Variants in SGCD observed in about 807,000 individuals in gnomAD.
SGCD encodes the protein delta-sarcoglycan.
A neutral mutation model predicts 36.6 loss-of-function variants in SGCD; 18 were observed. That is an observed-to-expected ratio of 0.49 (90% CI 0.34 to 0.73). SGCD has a LOEUF of 0.73. Among genes scored for constraint, SGCD ranks in the 30% least tolerant of loss-of-function variants. SGCD has a pLI of 0.01. For missense variants in SGCD, 387 were observed against 346.7 expected, an observed-to-expected ratio of 1.12 and a Z score of -0.92; for synonymous variants, 133 against 130.6, an observed-to-expected ratio of 1.02 and a Z score of -0.12.
At chr5:156,589,500 T>C (rs1760636127) in intron 5 of SGCD, among the ~76,000 whole-genome samples, 182 bp downstream of exon 5, 1 of 152,184 alleles carries the variant, frequency 6.6e-6, no homozygotes, top group South Asian at 2.1e-4. Flanking sequence ...CGTACACATA[T>C]TAAACTTATG....
chr5:156,326,295 C>T (rs1343094942), upstream of SGCD, among the ~76,000 whole-genome samples: 1 of 152,150 alleles, frequency 6.6e-6, no homozygotes, highest in Admixed American at 6.5e-5. Flanking sequence ...GAGTGTCATC[C>T]AGAAATAATC....
At chr5:156,082,782 C>T (rs1230110064) in intron 1 of SGCD, among the ~76,000 whole-genome samples, 2 of 152,160 alleles carry the variant, frequency 1.3e-5, no homozygotes. Flanking sequence ...TCCAGGAGCA[C>T]AGTTGCTGGG....
At chr5:156,007,862 A>T (rs999866807) in intron 1 of SGCD, among the ~76,000 whole-genome samples, 1 of 152,232 alleles carries the variant, frequency 6.6e-6, no homozygotes, top group Non-Finnish European at 1.5e-5. Context: ...TTAATGTCAC[A>T]TTGAAACATT....
intron 2 of SGCD, among the ~76,000 whole-genome samples, chr5:156,334,671 TCTC>T (rs1412336710): frequency 1.4e-5 from 2 of 146,956 alleles, no homozygotes; most frequent in Non-Finnish European, 3.0e-5. Context: ...ATAGCATTCA[TCTC>T]CTTGTGACAT....
intron 1 of SGCD, among the ~76,000 whole-genome samples, chr5:155,936,973 C>T (rs1022056732): frequency 6.6e-6 from 1 of 152,288 alleles, no homozygotes; most frequent in East Asian, 1.9e-4. Context: ...CCAGGAGCCC[C>T]GCCCTCACTC....
intron 3 of SGCD, among the ~76,000 whole-genome samples, chr5:156,411,684 C>T (rs932475789): frequency 6.6e-6 from 1 of 152,144 alleles, no homozygotes; most frequent in African/African-American, 2.4e-5. Flanking sequence ...TAGCATGGTA[C>T]CTGGCACAGA....
chr5:155,852,174 A>G, the SGCD span, among the ~76,000 whole-genome samples: 1 of 152,228 alleles, frequency 6.6e-6, no homozygotes, highest in East Asian at 1.9e-4. Context: ...GTTAGAGAAC[A>G]ATGTCTCCTT....
rs1007188443 is a variant in SGCD, at chr5:156,688,374, G to A, written c.575+40838G>A. Among the ~76,000 whole-genome samples the A allele has an allele frequency of 2.0e-5, 3 of 152,132 alleles. No individual in the cohort carries two copies. In the East Asian group the frequency reaches 5.8e-4, roughly 29 times the overall value. On this transcript the variant is annotated intron_variant, in intron 7 of 8. Coordinates refer to ENST00000337851, the MANE Select transcript of SGCD (RefSeq NM_000337.6). ...CAGCAAGTACTGTTTATAATGATGG[G>A]CTTTCATAGATATTAGCTCATTTGA...
chr5:155,804,638 G>A, the SGCD span, among the ~76,000 whole-genome samples: 1 of 152,148 alleles, frequency 6.6e-6, no homozygotes, highest in South Asian at 2.1e-4. Context: ...TGACCCTGCT[G>A]TTTCTCCTGA....
chr5:155,917,951 C>A (rs535114204), intron 1 of SGCD, among the ~76,000 whole-genome samples: 2 of 152,116 alleles, frequency 1.3e-5, no homozygotes, highest in East Asian at 1.9e-4. Flanking sequence ...TTTCATTTAC[C>A]CTGTTAGGAA....
chr5:155,887,160 C>T (rs550771921), intron 1 of SGCD, among the ~76,000 whole-genome samples: 1 of 152,312 alleles, frequency 6.6e-6, no homozygotes, highest in Admixed American at 6.5e-5. Flanking sequence ...CTGCTTCACA[C>T]AGGGATTGCT....
At chr5:156,334,604 A>G (rs973652858) in intron 2 of SGCD, among the ~76,000 whole-genome samples, 2 of 54,400 alleles carry the variant, frequency 3.7e-5, no homozygotes, top group South Asian at 5.4e-4. Context: ...CTGCTGGTCT[A>G]TTTTCTTTTT....
At chr5:156,543,787 G>A (rs1581144377) in intron 4 of SGCD, among the ~76,000 whole-genome samples, 1 of 152,182 alleles carries the variant, frequency 6.6e-6, no homozygotes, top group Admixed American at 6.5e-5. Flanking sequence ...CACATTTATG[G>A]CTCTCCTTTT....
At chr5:155,997,497 G>GT (rs776959557) in intron 1 of SGCD, among the ~76,000 whole-genome samples, 15 of 152,210 alleles carry the variant, frequency 9.9e-5, no homozygotes, top group Non-Finnish European at 2.1e-4. Flanking sequence ...CTGAAAGTGA[G>GT]TTTGTCATCA....
At chr5:156,423,010 C>T (rs1462082865) in intron 3 of SGCD, among the ~76,000 whole-genome samples, 1 of 150,312 alleles carries the variant, frequency 6.7e-6, no homozygotes, top group African/African-American at 2.5e-5. Flanking sequence ...AGTCTTCACT[C>T]ACAAATGATT....
At chr5:156,620,221 A>G (rs897230313) in intron 6 of SGCD, among the ~76,000 whole-genome samples, 2 of 152,168 alleles carry the variant, frequency 1.3e-5, no homozygotes, top group Non-Finnish European at 2.9e-5. Flanking sequence ...AATTATGTCA[A>G]GTACTCAATG....
At chr5:156,618,720 T>C (rs1762115710) in intron 6 of SGCD, among the ~76,000 whole-genome samples, 1 of 151,988 alleles carries the variant, frequency 6.6e-6, no homozygotes, top group South Asian at 2.1e-4. Flanking sequence ...CCTCGCAAGC[T>C]TGAGGGGTGA....
At chr5:156,232,293 C>G (rs1323597043) in intron 3 of SGCD, among the ~76,000 whole-genome samples, 1 of 152,190 alleles carries the variant, frequency 6.6e-6, no homozygotes, top group African/African-American at 2.4e-5. Flanking sequence ...TTAAGAATCC[C>G]TACTTGATTA....
At chr5:156,036,991 C>T (rs1319385836) in intron 1 of SGCD, among the ~76,000 whole-genome samples, 4 of 152,242 alleles carry the variant, frequency 2.6e-5, no homozygotes, top group South Asian at 2.1e-4. Context: ...TACTGGAGAG[C>T]TGGAAATTGA....
Sources: allele counts gnomAD v4.1 joint callset (sites outside exome capture counted in the v4.1 genomes callset), GRCh38; gene constraint gnomAD v4.1.1; transcripts MANE v1.5; gene names NCBI Gene and HGNC (gene_info 2026-07-23, HGNC 2026-07-21).